RABGAP1: variants seen among roughly 807,000 people sequenced by gnomAD.
RABGAP1 encodes the protein rab GTPase-activating protein 1.
A neutral mutation model predicts 137.6 loss-of-function variants in RABGAP1; 23 were observed. The observed-to-expected ratio is 0.17, with a 90% CI of 0.12 to 0.24. The LOEUF is 0.24. Among genes scored for constraint, RABGAP1 ranks in the 10% least tolerant of loss-of-function variants. RABGAP1 has a pLI of 1.00. For missense variants in RABGAP1, 906 were observed against 1,275.8 expected (o/e 0.71, Z 4.42); for synonymous variants, 451 against 450.7 (o/e 1.00, Z -0.01).
intron 2 of RABGAP1, among the ~76,000 whole-genome samples, chr9:122,958,043 C>T (rs1328487521): frequency 1.3e-5 from 2 of 152,214 alleles, no homozygotes; most frequent in African/African-American, 2.4e-5. Flanking sequence ...CCCAGGTTCA[C>T]ACCTTCTATC....
At chr9:123,077,198 A>G (rs991818133) in intron 19 of RABGAP1, among the ~76,000 whole-genome samples, 5 of 149,574 alleles carry the variant, frequency 3.3e-5, no homozygotes, top group Admixed American at 6.6e-5. Flanking sequence ...AGACAAGGCT[A>G]GAGTGCAGTG....
In RABGAP1 at chr9:123,073,649, A is replaced by C. The variant is rs767758982; in HGVS notation, c.2081A>C (p.Lys694Thr). 8 of 1,613,886 alleles carry C rather than the reference A, an allele frequency of 5.0e-6. No individual in the cohort carries two copies. In the South Asian group the frequency reaches 6.6e-5, roughly 13 times the overall value. ...FKQNFEDLHC[K>T]FYQLERLMQE... ...CAAAACTTCGAAGATTTGCATTGCA[A>C]ATTTTACCAGTTGGAGCGCCTCATG... is the stretch of plus-strand genomic sequence containing the variant. The change falls in exon 16 of 26, where the codon AAA (lysine) becomes ACA (threonine). Residue 694 changes from lysine to threonine, a missense_variant. Coordinates refer to ENST00000373647, the MANE Select transcript of RABGAP1 (RefSeq NM_012197.4).
At chr9:123,076,381 C>G (rs2034510775) in intron 18 of RABGAP1, 95 bp downstream of exon 18, 7 of 1,381,126 alleles carry the variant, frequency 5.1e-6, no homozygotes, top group South Asian at 1.3e-5. Flanking sequence ...TCACTGTGCA[C>G]TAGCATTACC....
At chr9:123,038,157 G>A (rs1212252227) in intron 13 of RABGAP1, among the ~76,000 whole-genome samples, 2 of 152,056 alleles carry the variant, frequency 1.3e-5, no homozygotes, top group African/African-American at 4.8e-5. Flanking sequence ...AAATGGACTA[G>A]TGTGCTCAAC....
chr9:123,051,958 A>ATT (rs58591585), intron 13 of RABGAP1, among the ~76,000 whole-genome samples: 19 of 130,674 alleles, frequency 1.5e-4, no homozygotes, highest in African/African-American at 4.2e-4. Flanking sequence ...CGCCCGGCTA[A>ATT]TTTTTTTTTT....
At chr9:122,976,175 AGTAGC>A (rs1835752460) in intron 2 of RABGAP1, among the ~76,000 whole-genome samples, 1 of 152,218 alleles carries the variant, frequency 6.6e-6, no homozygotes, top group Non-Finnish European at 1.5e-5. Context: ...ATATGTTTAC[AGTAGC>A]TGCTAAATGC....
At chr9:123,045,337 G>A (rs939525218) in intron 13 of RABGAP1, among the ~76,000 whole-genome samples, 1 of 152,200 alleles carries the variant, frequency 6.6e-6, no homozygotes, top group African/African-American at 2.4e-5. Context: ...AAGGCCATTT[G>A]TGGGTCTCTT....
chr9:123,045,403 A>T (rs1303254090), intron 13 of RABGAP1, among the ~76,000 whole-genome samples: 1 of 152,188 alleles, frequency 6.6e-6, no homozygotes, highest in Non-Finnish European at 1.5e-5. Context: ...CATTTATAAA[A>T]GTTCCCCTTC....
At chr9:123,085,807 T>C (rs773890474) in intron 19 of RABGAP1, among the ~76,000 whole-genome samples, 5 of 152,234 alleles carry the variant, frequency 3.3e-5, no homozygotes, top group Non-Finnish European at 7.3e-5. Context: ...ATGGAGTTTG[T>C]ACGTTGGCAC....
chr9:123,053,683 C>T (rs1210724499), intron 13 of RABGAP1, among the ~76,000 whole-genome samples: 1 of 152,116 alleles, frequency 6.6e-6, no homozygotes, highest in South Asian at 2.1e-4. Context: ...TTAACTGTTA[C>T]ATGATGGCAT....
chr9:122,973,224 T>C (rs188942481), intron 2 of RABGAP1, among the ~76,000 whole-genome samples: 10 of 152,288 alleles, frequency 6.6e-5, no homozygotes, highest in Admixed American at 5.9e-4. Flanking sequence ...GTGTTTCTTA[T>C]GCAGAAAGAT....
intron 2 of RABGAP1, 128 bp from the exon 3 acceptor site, chr9:122,984,353 TAAAA>T (rs759983305): frequency 2.6e-6 from 2 of 774,862 alleles, no homozygotes; most frequent in South Asian, 3.8e-5. Context: ...ATTCTATTTT[TAAAA>T]AAAACATTCA....
At chr9:122,946,770 A>C (rs1833971653) in intron 1 of RABGAP1, among the ~76,000 whole-genome samples, 1 of 152,214 alleles carries the variant, frequency 6.6e-6, no homozygotes, top group South Asian at 2.1e-4. Flanking sequence ...TGGGAACATG[A>C]GAAAACCATT....
chr9:122,997,788 T>C (rs887999850), intron 9 of RABGAP1, among the ~76,000 whole-genome samples: 1 of 152,220 alleles, frequency 6.6e-6, no homozygotes, highest in African/African-American at 2.4e-5. Context: ...ATGCATAAAG[T>C]ATCTGGAAGA....
intron 13 of RABGAP1, among the ~76,000 whole-genome samples, chr9:123,036,742 G>A (rs1449677962): frequency 1.3e-5 from 2 of 151,490 alleles, no homozygotes; most frequent in Non-Finnish European, 2.9e-5. Context: ...AAGAGGAGAA[G>A]GGAAAACACT....
At chr9:123,000,943 T>G (rs1241728642) in intron 10 of RABGAP1, among the ~76,000 whole-genome samples, 4 of 152,062 alleles carry the variant, frequency 2.6e-5, no homozygotes, top group African/African-American at 9.7e-5. Context: ...CTTGTTTTAC[T>G]CAATAAAAGC....
intron 2 of RABGAP1, 107 bp from the exon 3 acceptor site, chr9:122,984,378 T>G (rs1488281893): frequency 7.6e-6 from 7 of 916,022 alleles, no homozygotes; most frequent in Admixed American, 2.7e-5. Context: ...GAAGATATCT[T>G]TGTATCAAAA....
At position 122,997,303 on chromosome 9, in the gene RABGAP1, G is replaced by C. The variant is rs752208679; in HGVS notation, c.1146G>C (p.Thr382=). Residue 382 remains threonine, a synonymous_variant, in exon 9 of 26, where the codon ACG becomes ACC. Coordinates refer to ENST00000373647, the MANE Select transcript of RABGAP1 (RefSeq NM_012197.4). ...KSSDGKSYVI[T]GSWNPKSPHF... is the part of the protein sequence containing the mutation. ...CAGATGGAAAGTCGTATGTTATTAC[G>C]GGGAGCTGGAATCCAAAATCCCCAC... 1 of 1,611,586 alleles carries C rather than the reference G, an allele frequency of 6.2e-7. No homozygotes were observed. Among genetic ancestry groups the C allele is most frequent in the South Asian group, 1.1e-5 (1 of 90,554 alleles).
intron 12 of RABGAP1, among the ~76,000 whole-genome samples, chr9:123,016,902 A>G (rs1027600058): frequency 2.6e-5 from 4 of 152,238 alleles, no homozygotes; most frequent in Admixed American, 6.5e-5. Flanking sequence ...TACTCTCACA[A>G]TGCTTTACAC....
Sources: gnomAD v4.1 joint callset for allele counts (sites outside exome capture counted in the v4.1 genomes callset) on GRCh38, gnomAD v4.1.1 for gene constraint, MANE v1.5 for transcripts, NCBI Gene and HGNC (gene_info 2026-07-23, HGNC 2026-07-21) for gene names.